The following RIT1 variants were observed in gnomAD, a reference collection of about 807,000 sequenced individuals.
The protein encoded by RIT1 is GTP-binding protein Rit1.
Under a neutral mutation model 25.6 loss-of-function variants are expected in RIT1, and 6 were observed. That is an observed-to-expected ratio of 0.23 (90% CI 0.13 to 0.46). RIT1 has a LOEUF of 0.46. Ranked by LOEUF, RIT1 falls within the 20% of genes least tolerant of loss-of-function variation. The probability of loss-of-function intolerance (pLI) is 0.99; values close to 1 mark genes in which losing one functional copy is unlikely to be tolerated. For missense variants in RIT1, 219 were observed against 284.4 expected (o/e 0.77, Z 1.65); for synonymous variants, 81 against 94.1 (o/e 0.86, Z 0.80).
intron 3 of RIT1, among the ~76,000 whole-genome samples, chr1:155,907,878 C>G (rs140751929): frequency 0.045 from 6,896 of 151,670 alleles, 211 homozygotes; most frequent in Non-Finnish European, 0.068. Context: ...ATCACAAGGT[C>G]AGGAGATCGA....
intron 5 of RIT1, among the ~76,000 whole-genome samples, chr1:155,903,564 G>A (rs1284220307): frequency 1.3e-5 from 2 of 151,738 alleles, no homozygotes; most frequent in African/African-American, 2.4e-5. Flanking sequence ...ATCTAATTAT[G>A]GATATGCCAT....
chr1:155,903,188 C>T (rs1396810587), intron 5 of RIT1, among the ~76,000 whole-genome samples: 2 of 151,860 alleles, frequency 1.3e-5, no homozygotes, highest in South Asian at 2.1e-4. Flanking sequence ...CCCAGCTACT[C>T]GGGAGGCTGA....
intron 3 of RIT1, among the ~76,000 whole-genome samples, chr1:155,907,399 C>T (rs914693342): frequency 1.3e-5 from 2 of 152,040 alleles, no homozygotes; most frequent in Non-Finnish European, 2.9e-5. Flanking sequence ...AGCAGTAACA[C>T]GCCCAGCTAA....
Position 155,906,874 on chromosome 1 carries a change from G to A in RIT1, c.164-2070C>T, listed in dbSNP as rs1172439433. Among the ~76,000 whole-genome samples, 6 of 152,200 alleles carry A rather than the reference G, an allele frequency of 3.9e-5. No individual in the cohort carries two copies. The South Asian group carries it at 1.2e-3, about 32-fold the overall frequency. On this transcript the variant is annotated intron_variant, in intron 3 of 5. Coordinates refer to ENST00000368323, the MANE Select transcript of RIT1 (RefSeq NM_006912.6). The stretch of plus-strand genomic sequence containing the variant: ...TAATCTCAGTGCTTTGGGAGGTCCA[G>A]GTGGGAGGATCACTTGCGCTCAGGA...
chr1:155,911,145 T>G, intron 1 of RIT1, 98 bp downstream of exon 1: 1 of 552,020 alleles, frequency 1.8e-6, no homozygotes, highest in East Asian at 3.1e-5. Context: ...TTCTCTCACG[T>G]CTGCGGTACC....
intron 3 of RIT1, 137 bp from the exon 4 acceptor site, chr1:155,904,941 CACTGAGATACATAA>C: frequency 1.6e-6 from 1 of 618,674 alleles, no homozygotes; most frequent in East Asian, 2.7e-5. Context: ...ATGCTAAATC[CACTGAGATACATAA>C]ACTGAGTCTT....
In RIT1 at chr1:155,899,289, G is replaced by C. The variant is rs1341735416; in HGVS notation, c.*1099C>G. ...TCTTCAGATGGGAAACTCCACCTAT[G>C]TGAATTTTAAAGCTTTAAGACTGAC... On this transcript the variant is annotated 3_prime_UTR_variant, in exon 6 of 6. Coordinates refer to ENST00000368323, the MANE Select transcript of RIT1 (RefSeq NM_006912.6). The C allele has an allele frequency of 4.7e-6, 1 of 210,612 alleles. No individual in the cohort carries two copies. Among genetic ancestry groups the C allele is most frequent in the Non-Finnish European group, 9.7e-6 (1 of 103,410 alleles). 13.0% of individuals were successfully genotyped at this position (210,612 alleles called of 1,614,324 possible). A position where few individuals can be genotyped will look rare whatever the true frequency, so the allele number is the denominator to read the frequency against.
intron 3 of RIT1, chr1:155,910,211 CAAAGAG>C (rs767273838): frequency 4.9e-4 from 247 of 508,014 alleles, no homozygotes; most frequent in Non-Finnish European, 2.8e-4. Flanking sequence ...AAAAATACAA[CAAAGAG>C]AGTTGTCCCA....
chr1:155,908,109 A>G (rs929928937), intron 3 of RIT1, among the ~76,000 whole-genome samples: 1 of 150,956 alleles, frequency 6.6e-6, no homozygotes, highest in Non-Finnish European at 1.5e-5. Context: ...AACAAAAAAA[A>G]AAATACAGAT....
At chr1:155,905,213 T>TC (rs1673412821) in intron 3 of RIT1, among the ~76,000 whole-genome samples, 2 of 152,086 alleles carry the variant, frequency 1.3e-5, no homozygotes, top group South Asian at 4.2e-4. Flanking sequence ...TTTTTTTTTT[T>TC]CTTGAGACAG....
chr1:155,903,314 G>A (rs1193042574), intron 5 of RIT1, among the ~76,000 whole-genome samples: 5 of 151,650 alleles, frequency 3.3e-5, no homozygotes, highest in African/African-American at 7.3e-5. Context: ...TTAGCCGGGC[G>A]TGGTGGCATG....
rs1673277256 is a variant in RIT1 at position 155,899,928 on chromosome 1, C to A, written c.*460G>T. 4.5e-6 allele frequency: 1 copy of A among 224,488 alleles called. No individual in the cohort carries two copies. Among genetic ancestry groups the A allele is most frequent in the African/African-American group, 2.3e-5 (1 of 44,336 alleles). 13.9% of individuals were successfully genotyped at this position (224,488 alleles called of 1,614,324 possible). On this transcript the variant is annotated 3_prime_UTR_variant, in exon 6 of 6. Coordinates refer to ENST00000368323, the MANE Select transcript of RIT1 (RefSeq NM_006912.6). ...GAAATTTGGCACTGATCTCATTAGC[C>A]CCAATTTCCCTACATGATTTTTGTT...
chr1:155,905,232 T>C (rs1199097755), intron 3 of RIT1, among the ~76,000 whole-genome samples: 1 of 151,804 alleles, frequency 6.6e-6, no homozygotes, highest in African/African-American at 2.4e-5. Context: ...AGGGTCTCAC[T>C]GTCACCCAGG....
intron 3 of RIT1, among the ~76,000 whole-genome samples, chr1:155,905,200 C>CT (rs920443067): frequency 1.8e-3 from 268 of 145,688 alleles, no homozygotes; most frequent in Middle Eastern, 3.6e-3. Flanking sequence ...AACAGCTCAT[C>CT]TTTTTTTTTT....
rs1056608001 is a variant in RIT1, at chr1:155,897,830, G to A, written c.*2558C>T. ...AAGTTGTTTAAAAGTTTTGTATTAT[G>A]TCATACAAACTGTCTTCACATACAA... On this transcript the variant is annotated 3_prime_UTR_variant, in exon 6 of 6. Coordinates refer to ENST00000368323, the MANE Select transcript of RIT1 (RefSeq NM_006912.6). 3.9e-5 allele frequency: 6 copies of A among 152,212 alleles called. No individual in the cohort carries two copies. Among genetic ancestry groups the A allele is most frequent in the Non-Finnish European group, 7.3e-5 (5 of 68,030 alleles). 9.4% of individuals were successfully genotyped at this position (152,212 alleles called of 1,614,324 possible). A position where few individuals can be genotyped will look rare whatever the true frequency, so the allele number is the denominator to read the frequency against.
intron 3 of RIT1, 136 bp downstream of exon 3, chr1:155,910,314 C>A: frequency 1.4e-6 from 1 of 713,140 alleles, no homozygotes; most frequent in Non-Finnish European, 2.4e-6. Flanking sequence ...TTACCAACTG[C>A]TGATACCCTT....
chr1:155,906,239 GA>G (rs1457729720), intron 3 of RIT1, among the ~76,000 whole-genome samples: 2 of 150,258 alleles, frequency 1.3e-5, no homozygotes, highest in Non-Finnish European at 1.5e-5. Context: ...AAACTAAAAA[GA>G]AAAAAAAAGC....
At chr1:155,901,612 G>A (rs1226626455) in intron 5 of RIT1, among the ~76,000 whole-genome samples, 2 of 151,850 alleles carry the variant, frequency 1.3e-5, no homozygotes, top group Non-Finnish European at 2.9e-5. Flanking sequence ...CACTCCAGGT[G>A]TCACACTCCA....
chr1:155,902,408 C>T (rs192363719), intron 5 of RIT1, among the ~76,000 whole-genome samples: 8 of 150,940 alleles, frequency 5.3e-5, no homozygotes, highest in East Asian at 1.9e-4. Context: ...TGGTGGCAGG[C>T]GCCTGTAATC....
Sources: allele counts gnomAD v4.1 joint callset (sites outside exome capture counted in the v4.1 genomes callset), GRCh38; gene constraint gnomAD v4.1.1; transcripts MANE v1.5; gene names NCBI Gene and HGNC (gene_info 2026-07-23, HGNC 2026-07-21).